The following KIF26B variants were observed in gnomAD, a reference collection of about 807,000 sequenced individuals.
KIF26B encodes the protein kinesin family member 26B.
KIF26B carries 63 observed loss-of-function variants against 151.2 expected under a neutral mutation model. That is an observed-to-expected ratio of 0.42 (90% CI 0.34 to 0.51). KIF26B has a LOEUF of 0.51. Among genes scored for constraint, KIF26B ranks in the 20% least tolerant of loss-of-function variants. The pLI is 0.07. For missense variants in KIF26B, 2,813 were observed against 2,913.6 expected (o/e 0.97, Z 0.79); for synonymous variants, 1,357 against 1,262.1 (o/e 1.08, Z -1.59).
intron 3 of KIF26B, among the ~76,000 whole-genome samples, chr1:245,370,414 A>G (rs1673085302): frequency 6.6e-6 from 1 of 152,084 alleles, no homozygotes; most frequent in Non-Finnish European, 1.5e-5. Flanking sequence ...GCACCCACCT[A>G]ATATATAACC....
At chr1:245,452,353 T>G (rs1659415524) in intron 4 of KIF26B, among the ~76,000 whole-genome samples, 1 of 152,228 alleles carries the variant, frequency 6.6e-6, no homozygotes, top group African/African-American at 2.4e-5. Context: ...CATAGACACT[T>G]GGACTGTTTC....
chr1:245,381,942 T>G (rs1156871854), intron 3 of KIF26B, among the ~76,000 whole-genome samples: 4 of 152,256 alleles, frequency 2.6e-5, no homozygotes, highest in African/African-American at 4.8e-5. Flanking sequence ...TGCTGCTGTA[T>G]GTATATACCA....
intron 10 of KIF26B, among the ~76,000 whole-genome samples, chr1:245,663,833 A>C (rs755584882): frequency 6.6e-6 from 1 of 152,136 alleles, no homozygotes; most frequent in Non-Finnish European, 1.5e-5. Flanking sequence ...AATACCTACA[A>C]GGGACAATTA....
In KIF26B at chr1:245,701,267, G is replaced by GCTGA. The variant is rs1424415316; in HGVS notation, c.6179-1188_6179-1185dup. Among the ~76,000 whole-genome samples the GCTGA allele has an allele frequency of 9.8e-5, 15 of 152,322 alleles. No homozygotes were observed. The South Asian group carries it at 2.1e-3, about 21-fold the overall frequency. Reference sequence around the variant, plus strand: ...GAAAAAAAGGATCAATGAGCTGCCTGCTGACTATTCCCTGTGGGCATGAGG... The same window carrying GCTGA: ...GAAAAAAAGGATCAATGAGCTGCCTGCTGACTGACTATTCCCTGTGGGCATGAGG... On this transcript the variant is annotated intron_variant, in intron 14 of 14. Transcript: ENST00000407071.
In KIF26B at chr1:245,352,075, G is replaced by A. The variant is rs72761150; in HGVS notation, c.466-14759G>A. 0.017 allele frequency among the ~76,000 whole-genome samples: 2,656 copies of A among 152,240 alleles called. 47 individuals are homozygous for A. The highest frequency in any genetic ancestry group is 0.03 in the Non-Finnish European group (2,024 of 68,006). ...TGTGGCTGTGTGTGTGAGAGAGATC[G>A]TCCCTCAATCTTTCATTTCTTCTGA... is the stretch of plus-strand genomic sequence containing the variant. On this transcript the variant is annotated intron_variant, in intron 2 of 14. Coordinates refer to ENST00000407071, the MANE Select transcript of KIF26B (RefSeq NM_018012.4). This position sits in a 1 kb window ranked among gnomAD's most constrained non-coding sequence, Gnocchi z 5.0.
At chr1:245,645,991 T>C in intron 9 of KIF26B, 130 bp from the exon 10 acceptor site, 1 of 928,668 alleles carries the variant, frequency 1.1e-6, no homozygotes, top group Admixed American at 2.8e-5. Flanking sequence ...GGTTTCCTAG[T>C]AGGTCATGAA....
intron 4 of KIF26B, among the ~76,000 whole-genome samples, chr1:245,522,685 C>T (rs1020605153): frequency 2.6e-5 from 4 of 152,102 alleles, no homozygotes; most frequent in East Asian, 1.9e-4. Context: ...TGACTAGAAA[C>T]GAGACCCTCC....
intron 3 of KIF26B, among the ~76,000 whole-genome samples, chr1:245,403,048 G>A (rs1406319132): frequency 6.6e-6 from 1 of 152,104 alleles, no homozygotes; most frequent in Non-Finnish European, 1.5e-5. Flanking sequence ...AGCTCACTGT[G>A]GCCTTGAACT....
chr1:245,228,655 A>G (rs952136722), intron 2 of KIF26B, among the ~76,000 whole-genome samples: 12 of 152,162 alleles, frequency 7.9e-5, no homozygotes, highest in East Asian at 7.7e-4. Flanking sequence ...ATAAAATACA[A>G]TTATTGAGTG....
intron 4 of KIF26B, among the ~76,000 whole-genome samples, chr1:245,464,572 GGT>G (rs999415943): frequency 2.1e-5 from 3 of 145,290 alleles, no homozygotes; most frequent in African/African-American, 5.2e-5. Context: ...TGGGTGTGTG[GGT>G]GTGTGTGCAC....
At chr1:245,330,776 T>G (rs1242726803) in intron 2 of KIF26B, among the ~76,000 whole-genome samples, 3 of 26,990 alleles carry the variant, frequency 1.1e-4, no homozygotes, top group East Asian at 1.6e-3. Context: ...GGTGGAGGGA[T>G]TGGGGGAGGG....
intron 4 of KIF26B, among the ~76,000 whole-genome samples, chr1:245,453,478 A>G (rs1457942997): frequency 6.6e-6 from 1 of 152,150 alleles, no homozygotes; most frequent in Non-Finnish European, 1.5e-5. Context: ...GACCAAGAAG[A>G]GTGCCTTTTC....
At chr1:245,269,496 G>A (rs1670810649) in intron 2 of KIF26B, among the ~76,000 whole-genome samples, 1 of 151,798 alleles carries the variant, frequency 6.6e-6, no homozygotes, top group African/African-American at 2.4e-5. Context: ...ACGGAGGTTA[G>A]CTCTGTCGCC....
intron 2 of KIF26B, among the ~76,000 whole-genome samples, chr1:245,212,473 T>C (rs1410430668): frequency 1.3e-5 from 2 of 152,176 alleles, no homozygotes; most frequent in Non-Finnish European, 2.9e-5. Flanking sequence ...TCCCCCACAT[T>C]GACACAAGAG....
intron 2 of KIF26B, among the ~76,000 whole-genome samples, chr1:245,237,866 A>T (rs1240997981): frequency 1.3e-5 from 2 of 151,826 alleles, no homozygotes; most frequent in Non-Finnish European, 2.9e-5. Flanking sequence ...TGCTAAGTAA[A>T]TAAGTAAAAA....
At chr1:245,487,275 A>G (rs1294361532) in intron 4 of KIF26B, among the ~76,000 whole-genome samples, 1 of 152,236 alleles carries the variant, frequency 6.6e-6, no homozygotes, top group Non-Finnish European at 1.5e-5. Context: ...ATATGTATCT[A>G]AAAGAGAAAC....
intron 10 of KIF26B, among the ~76,000 whole-genome samples, chr1:245,675,126 G>A (rs1469497869): frequency 1.3e-5 from 2 of 152,192 alleles, no homozygotes; most frequent in Non-Finnish European, 2.9e-5. Flanking sequence ...AATCTAGGAC[G>A]GTTTCAAAAG....
At chr1:245,164,120 A>C (rs1179233451) in intron 2 of KIF26B, among the ~76,000 whole-genome samples, 1 of 152,188 alleles carries the variant, frequency 6.6e-6, no homozygotes, top group African/African-American at 2.4e-5. Flanking sequence ...AAGTTAAGTA[A>C]ATATCCATCA....
chr1:245,685,763 C>T lies in KIF26B; in HGVS notation c.2780C>T (p.Ala927Val), dbSNP rs755254577. ...GACTGCCTGAAGTGCAACACGTTTG[C>T]CGAGCTGCAGGAGAGGCTGGACTGC... The part of the protein sequence containing the change: ...ERDCLKCNTF[A>V]ELQERLDCID... Residue 927 changes from alanine (A) to valine (V), a missense_variant, in exon 12 of 15, where the codon GCC becomes GTC. Coordinates refer to ENST00000407071, the MANE Select transcript of KIF26B (RefSeq NM_018012.4). 7.4e-6 allele frequency: 12 copies of T among 1,612,162 alleles called. No individual in the cohort carries two copies. Among genetic ancestry groups the T allele is most frequent in the South Asian group, 1.1e-5 (1 of 91,054 alleles).
Sources: gnomAD v4.1 joint callset for allele counts (sites outside exome capture counted in the v4.1 genomes callset) on GRCh38, gnomAD v4.1.1 for gene constraint, Gnocchi (gnomAD v3.1) non-coding constraint, MANE v1.5 for transcripts, NCBI Gene and HGNC (gene_info 2026-07-23, HGNC 2026-07-21) for gene names.